Variants in USP50 observed in about 807,000 individuals in gnomAD.
The protein encoded by USP50 is ubiquitin carboxyl-terminal hydrolase 50.
USP50 carries 37 observed loss-of-function variants against 39.2 expected under a neutral mutation model. The observed-to-expected ratio is 0.94, with a 90% CI of 0.73 to 1.24. USP50 has a LOEUF of 1.24. Ranked by LOEUF, USP50 falls within the 50% of genes most tolerant of loss-of-function variation. The probability of loss-of-function intolerance (pLI) is 0.00; values close to 1 mark genes in which losing one functional copy is unlikely to be tolerated. For missense variants in USP50, 374 were observed against 398.2 expected, an observed-to-expected ratio of 0.94 and a Z score of 0.52; for synonymous variants, 139 against 144.5, an observed-to-expected ratio of 0.96 and a Z score of 0.27.
chr15:50,511,740 T>TA (rs1460282788), intron 6 of USP50: 2 of 152,314 alleles, frequency 1.3e-5, no homozygotes, highest in Non-Finnish European at 2.9e-5. Context: ...CTCACGCCTG[T>TA]AATCCCAGCA....
At chr15:50,544,405 C>T (rs2053055189) in intron 2 of USP50, among the ~76,000 whole-genome samples, 182 bp downstream of exon 2, 1 of 151,730 alleles carries the variant, frequency 6.6e-6, no homozygotes, top group South Asian at 2.1e-4. Flanking sequence ...AAAAAAGGAG[C>T]TGCATTCATT....
In USP50 at chr15:50,546,628, C is replaced by T; in HGVS notation, c.-103G>A. The stretch of plus-strand genomic sequence containing the variant: ...GTTAACGCTGGCTTTTTGTTTTAAA[C>T]AATTGATATGCTCCTCTCTCTTCCA... On this transcript the variant is annotated 5_prime_UTR_variant, in exon 1 of 7. Transcript: ENST00000532404. 1 of 1,255,102 alleles carries T rather than the reference C, an allele frequency of 8.0e-7. No homozygotes were observed. The highest frequency in any genetic ancestry group is 1.2e-5 in the South Asian group (1 of 81,352). 77.7% of individuals were successfully genotyped at this position (1,255,102 alleles called of 1,614,324 possible).
downstream of USP50, among the ~76,000 whole-genome samples, chr15:50,496,247 C>T (rs973008441): frequency 2.6e-5 from 4 of 151,938 alleles, no homozygotes; most frequent in South Asian, 2.1e-4. Flanking sequence ...TTTGGGAGGC[C>T]GAGGTGGGCG....
At position 50,508,072 on chromosome 15, in the gene USP50, A is replaced by C. The variant is rs1433132085; in HGVS notation, c.937-7235T>G. On this transcript the variant is annotated intron_variant, in intron 6 of 6. Transcript: ENST00000532404. The stretch of plus-strand genomic sequence containing the variant: ...GCGACAGTGCAAGACTCTGTCTCAA[A>C]AAAAAAAAAAAAAAAAAAAAAAGAT... 7 of 44,838 alleles carry C rather than the reference A, an allele frequency of 1.6e-4. No homozygotes were observed. The Admixed American group carries it at 2.1e-3, about 14-fold the overall frequency. 2.8% of individuals were successfully genotyped at this position (44,838 alleles called of 1,614,324 possible).
intron 6 of USP50, among the ~76,000 whole-genome samples, chr15:50,528,996 G>A (rs896472414): frequency 6.6e-6 from 1 of 152,146 alleles, no homozygotes; most frequent in African/African-American, 2.4e-5. Context: ...AGAATGGCTT[G>A]CTACTTGGGG....
chr15:50,501,916 A>C (rs1038776227), intron 6 of USP50: 2 of 152,142 alleles, frequency 1.3e-5, no homozygotes, highest in Admixed American at 6.6e-5. Flanking sequence ...AATGTCCTTA[A>C]AGTTTTATGG....
intron 6 of USP50, among the ~76,000 whole-genome samples, chr15:50,523,630 G>T (rs2052867710): frequency 6.6e-6 from 1 of 152,164 alleles, no homozygotes; most frequent in Admixed American, 6.5e-5. Flanking sequence ...GAAAGAAACT[G>T]AAGAAAATGC....
At position 50,541,141 on chromosome 15, in the gene USP50, C is replaced by T. The variant is rs372723267; in HGVS notation, c.568G>A (p.Val190Ile). 2.4e-5 allele frequency: 38 copies of T among 1,613,782 alleles called. No individual in the cohort carries two copies. The highest frequency in any genetic ancestry group is 1.7e-4 in the Middle Eastern group (1 of 6,060). ...LFEEQLNYSI[V>I]CLKCEKCTYK... is the part of the protein sequence containing the mutation. ...GTGCATTTCTCACACTTTAAACATACGATGCTATAATTGAGCTGCTCTTCA... is the reference window on the plus strand; with the variant it reads ...GTGCATTTCTCACACTTTAAACATATGATGCTATAATTGAGCTGCTCTTCA... The change falls in exon 4 of 7, where the codon GTA (valine) becomes ATA (isoleucine). Residue 190 changes from valine (V) to isoleucine (I), a missense_variant. Transcript: ENST00000532404.
chr15:50,498,411 GTTTTCTTGTTTGTA>G (rs2052496239), downstream of USP50: 10 of 719,548 alleles, frequency 1.4e-5, no homozygotes, highest in South Asian at 2.7e-4. Context: ...ATATGCCTCA[GTTTTCTTGTTTGTA>G]AAATGGAAAT....
chr15:50,532,128 A>G (rs74014321), intron 5 of USP50: 4 of 456,324 alleles, frequency 8.8e-6, no homozygotes, highest in African/African-American at 4.0e-5. Flanking sequence ...TAAAAACTCC[A>G]AAGAATCCAG....
At chr15:50,493,539 G>A (rs2052260007), downstream of USP50, 3 of 512,162 alleles carry the variant, frequency 5.9e-6, no homozygotes, top group Non-Finnish European at 1.2e-5. Flanking sequence ...GATCACTTGG[G>A]GCCCAGGAGT....
intron 5 of USP50, among the ~76,000 whole-genome samples, chr15:50,530,800 A>G (rs955539516): frequency 2.0e-5 from 3 of 152,156 alleles, no homozygotes; most frequent in African/African-American, 7.2e-5. Flanking sequence ...CATTGGGGGA[A>G]GCAGAAACCC....
intron 6 of USP50, among the ~76,000 whole-genome samples, chr15:50,519,779 T>C (rs1434548246): frequency 6.6e-6 from 1 of 150,500 alleles, no homozygotes; most frequent in Non-Finnish European, 1.5e-5. Flanking sequence ...AGATGAAAAA[T>C]AACAAATACT....
chr15:50,530,599 A>T (rs140833906), intron 5 of USP50, among the ~76,000 whole-genome samples: 135 of 152,228 alleles, frequency 8.9e-4, no homozygotes, highest in African/African-American at 3.0e-3. Context: ...TAAAAAATAA[A>T]AAAAAAAAGT....
chr15:50,518,901 C>G (rs1445959807), intron 6 of USP50, among the ~76,000 whole-genome samples: 1 of 152,102 alleles, frequency 6.6e-6, no homozygotes, highest in South Asian at 2.1e-4. Context: ...AATATACTTG[C>G]AAACTATTCA....
At chr15:50,534,163 G>A (rs1172131951) in intron 5 of USP50, among the ~76,000 whole-genome samples, 2 of 151,804 alleles carry the variant, frequency 1.3e-5, no homozygotes. Flanking sequence ...ACAATAATAG[G>A]GACAATATAT....
chr15:50,493,996 T>C (rs1314023251), downstream of USP50: 10 of 1,512,912 alleles, frequency 6.6e-6, no homozygotes, highest in Admixed American at 1.0e-4. Context: ...CATGTTGACA[T>C]CAAGAATCTA....
At chr15:50,505,188 A>G (rs1294860886) in intron 6 of USP50, 9 of 152,178 alleles carry the variant, frequency 5.9e-5, no homozygotes, top group Admixed American at 1.3e-4. Flanking sequence ...TTAATGAGAC[A>G]TGAATCTTCA....
At chr15:50,540,773 G>T (rs375208771) in intron 4 of USP50, among the ~76,000 whole-genome samples, 4 of 152,084 alleles carry the variant, frequency 2.6e-5, no homozygotes, top group African/African-American at 9.6e-5. Context: ...ACAGGTGCCC[G>T]CCACCATGTC....
Sources: allele counts gnomAD v4.1 joint callset (sites outside exome capture counted in the v4.1 genomes callset), GRCh38; gene constraint gnomAD v4.1.1; transcripts MANE v1.5; gene names NCBI Gene and HGNC (gene_info 2026-07-23, HGNC 2026-07-21).